Variants in RNF213 observed in about 807,000 individuals in gnomAD.
RNF213 encodes the protein E3 ubiquitin-protein ligase RNF213.
A neutral mutation model predicts 514.4 loss-of-function variants in RNF213; 341 were observed. The observed-to-expected ratio is 0.66, with a 90% CI of 0.61 to 0.73. The LOEUF (loss-of-function observed/expected upper bound fraction) is 0.73. Among genes scored for constraint, RNF213 ranks in the 30% least tolerant of loss-of-function variants. RNF213 has a pLI of 0.00. For synonymous variants in RNF213, 2,655 were observed against 2,658.2 expected (o/e 1.00, Z 0.04); for missense variants, 5,767 against 6,615.6 (o/e 0.87, Z 4.45).
In RNF213 at chr17:80,346,262, C is replaced by G. The variant is rs761034987; in HGVS notation, c.7927C>G (p.Arg2643Gly). Residue 2643 changes from arginine (R) to glycine (G), a missense_variant, in exon 29 of 68, where the codon CGC becomes GGC. Coordinates refer to ENST00000582970, the MANE Select transcript of RNF213 (RefSeq NM_001256071.3). This position sits in a 1 kb window ranked among gnomAD's most constrained non-coding sequence, Gnocchi z 8.1. ...CTTTGTCAGCCTCAGGGACGTGGAG[C>G]GCTGTGTGAAAGTTTTCAGGTGGTT... is the stretch of plus-strand genomic sequence containing the variant. The part of the protein sequence containing the change: ...CSFVSLRDVE[R>G]CVKVFRWFHE... 1.2e-6 allele frequency: 2 copies of G among 1,614,120 alleles called. No individual in the cohort carries two copies. The highest frequency in any genetic ancestry group is 1.1e-5 in the South Asian group (1 of 91,068).
At chr17:80,351,169 C>T (rs112199238) in intron 31 of RNF213, among the ~76,000 whole-genome samples, 5,858 of 152,232 alleles carry the variant, frequency 0.038, 168 homozygotes, top group Non-Finnish European at 0.06. Flanking sequence ...AATGGCATTG[C>T]GCACAGAACT....
At chr17:80,303,931 A>G (rs1383146932) in intron 11 of RNF213, among the ~76,000 whole-genome samples, 2 of 150,090 alleles carry the variant, frequency 1.3e-5, no homozygotes, top group Non-Finnish European at 1.5e-5. Context: ...CATCTAAACT[A>G]TTAACTCAGC....
intron 2 of RNF213, 23 bp from the exon 3 acceptor site, chr17:80,273,218 C>A (rs1220137231): frequency 1.2e-6 from 2 of 1,612,982 alleles, no homozygotes. Context: ...GAGATCTGAC[C>A]CTTCCTTCAT....
rs2078529638 is a variant in RNF213, at chr17:80,351,820, A to T, written c.10303+17A>T. 4.1e-6 allele frequency: 5 copies of T among 1,224,008 alleles called. No individual in the cohort carries two copies. Among genetic ancestry groups the T allele is most frequent in the Non-Finnish European group, 6.1e-6 (5 of 824,290 alleles). The allele number at this position is 1,224,008 out of a possible 1,614,324, so 75.8% of individuals were successfully genotyped here. A position where few individuals can be genotyped will look rare whatever the true frequency, so the allele number is the denominator to read the frequency against. ...TCCACGGAGGTGAGATCAGAACATC[A>T]GTCAGGGTATTTATTTATGTATTTA... On this transcript the variant is annotated intron_variant, in intron 32 of 67. Transcript: ENST00000582970.
At chr17:80,330,199 G>A (rs1384859470) in intron 20 of RNF213, among the ~76,000 whole-genome samples, 1 of 152,124 alleles carries the variant, frequency 6.6e-6, no homozygotes, top group Non-Finnish European at 1.5e-5. Context: ...CTTCCCTTCT[G>A]GGTTATTCAC....
chr17:80,363,378 G>A lies in RNF213; in HGVS notation c.11568+64G>A, dbSNP rs941533126. The A allele has an allele frequency of 7.3e-6, 11 of 1,514,372 alleles. No homozygotes were observed. In the African/African-American group the frequency reaches 1.5e-4, roughly 21 times the overall value. The allele number at this position is 1,514,372 out of a possible 1,614,324, so 93.8% of individuals were successfully genotyped here. The stretch of plus-strand genomic sequence containing the variant: ...GTGCTTCCAACTCCACTCTGGGAAT[G>A]GAGAGCTTCTGGGGCTGTGTTCCAA... On this transcript the variant is annotated intron_variant, in intron 40 of 67. Transcript: ENST00000582970.
chr17:80,349,152 G>A (rs898875876), intron 29 of RNF213, among the ~76,000 whole-genome samples: 1 of 152,200 alleles, frequency 6.6e-6, no homozygotes, highest in Non-Finnish European at 1.5e-5. Context: ...CCTTAGATGA[G>A]TGGACATTGC....
intron 13 of RNF213, among the ~76,000 whole-genome samples, chr17:80,307,803 G>A (rs1166086016): frequency 1.3e-5 from 2 of 151,412 alleles, no homozygotes; most frequent in Admixed American, 6.6e-5. Context: ...GCCTGTCTGG[G>A]CCTCCCAAAG....
chr17:80,342,214 C>T (rs887589079), intron 26 of RNF213, among the ~76,000 whole-genome samples: 3 of 152,172 alleles, frequency 2.0e-5, no homozygotes, highest in Non-Finnish European at 2.9e-5. Context: ...CCACCTAGCT[C>T]GGGTGTGTGG....
In RNF213 at chr17:80,346,089, T is replaced by G. The variant is rs1178405919; in HGVS notation, c.7754T>G (p.Leu2585Arg). The G allele has an allele frequency of 1.7e-5, 27 of 1,614,036 alleles. No homozygotes were observed. The highest frequency in any genetic ancestry group is 6.7e-5 in the African/African-American group (5 of 74,920). The change falls in exon 29 of 68, where the codon CTG (leucine) becomes CGG (arginine). Residue 2585 changes from leucine to arginine, a missense_variant. Physicochemically the swap from Leu to Arg is moderately radical, Grantham distance 102. This residue lies in a region of RNF213 where 1,377 missense variants were observed against 1,635.2 expected (regional missense o/e 0.84). Transcript: ENST00000582970. The surrounding 1 kb of genome is among the most constrained non-coding windows in gnomAD (Gnocchi z 8.1). ...LIPLVWDFGQ[L>R]SDVAEKLYIQ... Reference sequence around the variant, plus strand: ...CCTCTGGTGTGGGACTTTGGACAACTGAGTGACGTTGCTGAAAAGCTCTAC... The same window carrying G: ...CCTCTGGTGTGGGACTTTGGACAACGGAGTGACGTTGCTGAAAAGCTCTAC...
chr17:80,312,998 T>C lies in RNF213; in HGVS notation c.2656-14T>C. The C allele has an allele frequency of 6.2e-7, 1 of 1,613,682 alleles. No individual in the cohort carries two copies. Among genetic ancestry groups the C allele is most frequent in the Non-Finnish European group, 8.5e-7 (1 of 1,180,006 alleles). On this transcript the variant is annotated splice_polypyrimidine_tract_variant and intron_variant, in intron 14 of 67. Coordinates refer to ENST00000582970, the MANE Select transcript of RNF213 (RefSeq NM_001256071.3). Reference sequence around the variant, plus strand: ...AGCCGAGGATGACTGACCCTCCCTCTTGTGTGACAACAGGATTCTGCAGGA... The same window carrying C: ...AGCCGAGGATGACTGACCCTCCCTCCTGTGTGACAACAGGATTCTGCAGGA...
At chr17:80,354,874 TA>T in intron 36 of RNF213, 1 of 439,232 alleles carries the variant, frequency 2.3e-6, no homozygotes, top group African/African-American at 2.0e-5. Flanking sequence ...TTCATGTTGA[TA>T]ACCCTAGAAA....
chr17:80,350,535 C>T, intron 31 of RNF213, 139 bp downstream of exon 31: 2 of 671,454 alleles, frequency 3.0e-6, no homozygotes, highest in Non-Finnish European at 5.3e-6. Context: ...CCGCCTCATT[C>T]CCCCAAGTGG....
chr17:80,387,510 C>T (rs1342049838), intron 63 of RNF213, among the ~76,000 whole-genome samples: 1 of 152,230 alleles, frequency 6.6e-6, no homozygotes, highest in Non-Finnish European at 1.5e-5. Flanking sequence ...ATTAGCTGTG[C>T]CTTCTGTGTG....
chr17:80,362,298 G>A (rs1224661109), intron 39 of RNF213, among the ~76,000 whole-genome samples: 1 of 152,156 alleles, frequency 6.6e-6, no homozygotes, highest in Non-Finnish European at 1.5e-5. Flanking sequence ...TAAAAAAGGA[G>A]AGTGACAAAT....
intron 28 of RNF213, 53 bp downstream of exon 28, chr17:80,344,068 T>A: frequency 6.3e-7 from 1 of 1,586,186 alleles, no homozygotes; most frequent in South Asian, 1.1e-5. Context: ...GGGTTCTTTC[T>A]GGTCTTACTG....
chr17:80,314,109 ATGG>A (rs1351577882), intron 15 of RNF213, among the ~76,000 whole-genome samples: 195 of 85,834 alleles, frequency 2.3e-3, no homozygotes, highest in African/African-American at 3.0e-3. Context: ...ACTGGAGGTG[ATGG>A]TGGTGGTGAA....
chr17:80,269,479 A>ATCCATCTG (rs750580187), intron 2 of RNF213, among the ~76,000 whole-genome samples: 1 of 150,398 alleles, frequency 6.6e-6, no homozygotes. Context: ...CATCTATTCT[A>ATCCATCTG]TCTATCCATC....
At chr17:80,376,235 T>A (rs1326353853) in intron 51 of RNF213, 66 bp from the exon 52 acceptor site, 5 of 1,566,478 alleles carry the variant, frequency 3.2e-6, no homozygotes, top group Non-Finnish European at 4.4e-6. Flanking sequence ...GGTGTCAGTG[T>A]ATGTCTAAGA....
Sources: gnomAD v4.1 joint callset for allele counts (sites outside exome capture counted in the v4.1 genomes callset) on GRCh38, gnomAD v4.1.1 for gene constraint, gnomAD v4.1.1 regional missense constraint, Gnocchi (gnomAD v3.1) non-coding constraint, MANE v1.5 for transcripts, NCBI Gene and HGNC (gene_info 2026-07-23, HGNC 2026-07-21) for gene names.